Variants in RUBCN observed in about 807,000 individuals in gnomAD.
The protein encoded by RUBCN is rubicon autophagy regulator.
RUBCN carries 74 observed loss-of-function variants against 113.2 expected under a neutral mutation model. That is an observed-to-expected ratio of 0.65 (90% CI 0.54 to 0.79). The LOEUF is 0.79. RUBCN is among the 30% of genes least tolerant of loss of function. The pLI is 0.00. For synonymous variants in RUBCN, 480 were observed against 490.0 expected, an observed-to-expected ratio of 0.98 and a Z score of 0.27; for missense variants, 1,109 against 1,251.7, an observed-to-expected ratio of 0.89 and a Z score of 1.72.
intron 2 of RUBCN, among the ~76,000 whole-genome samples, chr3:197,714,356 A>G (rs1725284381): frequency 6.6e-6 from 1 of 152,126 alleles, no homozygotes; most frequent in Admixed American, 6.6e-5. Context: ...TTGTTGAGAC[A>G]GGGTCTCCCT....
intron 2 of RUBCN, among the ~76,000 whole-genome samples, chr3:197,712,096 A>G (rs879310268): frequency 7.2e-5 from 11 of 152,084 alleles, no homozygotes; most frequent in Non-Finnish European, 1.0e-4. Flanking sequence ...TGGACCATCT[A>G]TGCTGCCAAG....
Position 197,674,917 on chromosome 3 carries a change from A to G in RUBCN, c.*101T>C. 2.0e-6 allele frequency: 2 copies of G among 1,007,102 alleles called. No homozygotes were observed. Among genetic ancestry groups the G allele is most frequent in the Non-Finnish European group, 2.8e-6 (2 of 719,052 alleles). The allele number at this position is 1,007,102 out of a possible 1,614,324, so 62.4% of individuals were successfully genotyped here. The stretch of plus-strand genomic sequence containing the variant: ...AAAAGATGATGATAATTAAAAAAAA[A>G]AAAAAAAAAAGAAGCCCCAGGTGGG... On this transcript the variant is annotated 3_prime_UTR_variant, in exon 20 of 20. Transcript: ENST00000296343.
At chr3:197,695,234 C>G (rs956891898) in intron 9 of RUBCN, among the ~76,000 whole-genome samples, 1 of 150,064 alleles carries the variant, frequency 6.7e-6, no homozygotes, top group Non-Finnish European at 1.5e-5. Flanking sequence ...AATCCCAGCA[C>G]TCTGGGAGGC....
chr3:197,708,527 G>GA (rs1313499613), intron 2 of RUBCN, among the ~76,000 whole-genome samples: 4 of 18,344 alleles, frequency 2.2e-4, no homozygotes, highest in Non-Finnish European at 2.5e-4. Flanking sequence ...ATGCTACGAA[G>GA]AAAAAAAAAG....
intron 2 of RUBCN, among the ~76,000 whole-genome samples, chr3:197,717,178 T>C (rs987989018): frequency 1.3e-5 from 2 of 150,410 alleles, no homozygotes; most frequent in Non-Finnish European, 3.0e-5. Context: ...CTCACGCCTG[T>C]AATCCCAGCA....
rs1490338968 is a variant in RUBCN at position 197,683,362 on chromosome 3, A to C, written c.1925T>G (p.Leu642Arg). The C allele has an allele frequency of 3.7e-6, 6 of 1,614,180 alleles. No homozygotes were observed. The highest frequency in any genetic ancestry group is 4.2e-6 in the Non-Finnish European group (5 of 1,180,018). Reference protein sequence around the residue: ...GLLKQFEGMQLPAASELEWLV... With the variant: ...GLLKQFEGMQRPAASELEWLV... ...CCACTCCAGCTCCGAGGCGGCTGGA[A>C]GCTGCATCCCCTCAAACTGCTTCAG... Residue 642 changes from leucine to arginine, a missense_variant, in exon 13 of 20, where the codon CTT becomes CGT. Physicochemically the swap from Leu to Arg is moderately radical, Grantham distance 102. Transcript: ENST00000296343. The surrounding 1 kb of genome is among the most constrained non-coding windows in gnomAD (Gnocchi z 4.6).
chr3:197,688,529 TTC>T (rs1462849392), intron 11 of RUBCN, among the ~76,000 whole-genome samples: 2 of 152,254 alleles, frequency 1.3e-5, no homozygotes, highest in Admixed American at 6.5e-5. Context: ...ACTGTGTAGT[TTC>T]TGTCTCCTGA....
At chr3:197,718,198 A>C (rs1333426509) in intron 1 of RUBCN, 68 bp from the exon 2 acceptor site, 45 of 1,589,166 alleles carry the variant, frequency 2.8e-5, no homozygotes, top group Non-Finnish European at 3.6e-5. Flanking sequence ...CATATCAAAG[A>C]AAGTCTAAGC....
chr3:197,743,100 A>G (rs1024890049), intron 1 of RUBCN, among the ~76,000 whole-genome samples: 2 of 152,254 alleles, frequency 1.3e-5, no homozygotes, highest in East Asian at 3.8e-4. Context: ...TCAGGGACTT[A>G]GTGGCCAGTA....
chr3:197,747,026 G>C (rs1728775760), intron 1 of RUBCN, among the ~76,000 whole-genome samples: 1 of 152,038 alleles, frequency 6.6e-6, no homozygotes, highest in Admixed American at 6.6e-5. Context: ...GAAAATTGCA[G>C]GGTTGACCTT....
intron 1 of RUBCN, among the ~76,000 whole-genome samples, chr3:197,734,060 A>G (rs1727830274): frequency 1.3e-5 from 2 of 152,116 alleles, no homozygotes; most frequent in South Asian, 2.1e-4. Context: ...GTTTGAGACC[A>G]GCCTGGCCAA....
At chr3:197,693,852 C>G (rs868284702) in intron 10 of RUBCN, 36 bp from the exon 11 acceptor site, 2 of 1,383,204 alleles carry the variant, frequency 1.4e-6, no homozygotes, top group Middle Eastern at 3.6e-4. Flanking sequence ...ATAAACAGGG[C>G]AGAAAGAGGT....
In RUBCN at chr3:197,681,341, C is replaced by G; in HGVS notation, c.2218G>C (p.Glu740Gln). The G allele has an allele frequency of 6.2e-7, 1 of 1,613,344 alleles. No homozygotes were observed. The highest frequency in any genetic ancestry group is 8.5e-7 in the Non-Finnish European group (1 of 1,179,266). ...TGGCAGAAGTACTTGCCCAGGTACTCACAGTACCGCAGTCGCTTGATGTAA... is the reference window on the plus strand; with the variant it reads ...TGGCAGAAGTACTTGCCCAGGTACTGACAGTACCGCAGTCGCTTGATGTAA... ...PDYIKRLRYC[E>Q]YLGKYFCQCC... The change falls in exon 16 of 20, where the codon GAG (glutamate) becomes CAG (glutamine). Residue 740 changes from glutamate to glutamine, a missense_variant. Coordinates refer to ENST00000296343, the MANE Select transcript of RUBCN (RefSeq NM_014687.4). This position sits in a 1 kb window ranked among gnomAD's most constrained non-coding sequence, Gnocchi z 5.5.
upstream of RUBCN, among the ~76,000 whole-genome samples, chr3:197,738,660 A>G (rs1728360898): frequency 6.6e-6 from 1 of 152,018 alleles, no homozygotes; most frequent in South Asian, 2.1e-4. Flanking sequence ...GCCACAGTTC[A>G]CTGCAGCCTC....
chr3:197,688,176 A>C (rs897510564), intron 11 of RUBCN, among the ~76,000 whole-genome samples: 1 of 152,116 alleles, frequency 6.6e-6, no homozygotes, highest in African/African-American at 2.4e-5. Context: ...ACAGGTGCAC[A>C]CCACCACACC....
chr3:197,686,497 C>T (rs1238901564), intron 11 of RUBCN, among the ~76,000 whole-genome samples: 2 of 152,224 alleles, frequency 1.3e-5, no homozygotes, highest in East Asian at 3.9e-4. Context: ...TGACCCCGGC[C>T]AAGGACCACG....
At position 197,681,034 on chromosome 3, in the gene RUBCN, G is replaced by A; in HGVS notation, c.2430+95C>T. ...AGGGGATGGGGGGAGGGGACAAGAG[G>A]AGGGGATGGGGGGAGGGGACGGGGG... is the stretch of plus-strand genomic sequence containing the variant. On this transcript the variant is annotated intron_variant, in intron 16 of 19. Transcript: ENST00000296343. The surrounding 1 kb of genome is among the most constrained non-coding windows in gnomAD (Gnocchi z 5.5). 1.5e-6 allele frequency: 1 copy of A among 658,416 alleles called. No homozygotes were observed. Among genetic ancestry groups the A allele is most frequent in the African/African-American group, 2.0e-5 (1 of 49,136 alleles). The allele number at this position is 658,416 out of a possible 1,614,324, so 40.8% of individuals were successfully genotyped here.
rs185208320 is a variant in RUBCN, at chr3:197,700,351, C to T, written c.1261+262G>A. The T allele has an allele frequency of 8.8e-5, 49 of 558,572 alleles. No individual in the cohort carries two copies. The East Asian group carries it at 1.1e-3, about 12-fold the overall frequency. 34.6% of individuals were successfully genotyped at this position (558,572 alleles called of 1,614,324 possible). On this transcript the variant is annotated intron_variant, in intron 7 of 19. Coordinates refer to ENST00000296343, the MANE Select transcript of RUBCN (RefSeq NM_014687.4). ...CTTTGAAAACTCGCACTATGAGTCA[C>T]GCTATCCTCTGATGTTACCAAACTA... is the stretch of plus-strand genomic sequence containing the variant.
chr3:197,679,992 G>A (rs1451769706), intron 16 of RUBCN, among the ~76,000 whole-genome samples: 2 of 147,356 alleles, frequency 1.4e-5, no homozygotes, highest in African/African-American at 5.1e-5. Context: ...ACTGACAACT[G>A]GCTTCAGATT....
Sources: gnomAD v4.1 joint callset for allele counts (sites outside exome capture counted in the v4.1 genomes callset) on GRCh38, gnomAD v4.1.1 for gene constraint, Gnocchi (gnomAD v3.1) non-coding constraint, MANE v1.5 for transcripts, NCBI Gene and HGNC (gene_info 2026-07-23, HGNC 2026-07-21) for gene names.